The following NAALADL2 variants were observed in gnomAD, a reference collection of about 807,000 sequenced individuals.
The protein encoded by NAALADL2 is inactive N-acetylated-alpha-linked acidic dipeptidase-like protein 2.
Under a neutral mutation model 87.2 loss-of-function variants are expected in NAALADL2, and 76 were observed. The observed-to-expected ratio is 0.87, with a 90% confidence interval of 0.72 to 1.05. NAALADL2 has a LOEUF of 1.05. Ranked by LOEUF, NAALADL2 falls within the 50% of genes least tolerant of loss-of-function variation. NAALADL2 has a pLI of 0.00. For missense variants in NAALADL2, 1,089 were observed against 945.8 expected (o/e 1.15, Z -1.99); for synonymous variants, 354 against 331.0 (o/e 1.07, Z -0.75).
intron 2 of NAALADL2, among the ~76,000 whole-genome samples, chr3:175,213,611 A>G (rs968673033): frequency 1.3e-5 from 2 of 152,194 alleles, no homozygotes; most frequent in Non-Finnish European, 2.9e-5. Flanking sequence ...ATAGTGTAGT[A>G]GGTACAGAAG....
At chr3:174,970,166 T>TA in intron 1 of NAALADL2, among the ~76,000 whole-genome samples, 1 of 152,262 alleles carries the variant, frequency 6.6e-6, no homozygotes, top group South Asian at 2.1e-4. Context: ...ACCAGGTAGA[T>TA]AAAAAATGAG....
At chr3:174,947,091 CAGTT>C (rs2108495532) in intron 1 of NAALADL2, among the ~76,000 whole-genome samples, 1 of 152,160 alleles carries the variant, frequency 6.6e-6, no homozygotes, top group African/African-American at 2.4e-5. Context: ...GCGTTGTGCT[CAGTT>C]AGAGCATCAT....
intron 2 of NAALADL2, among the ~76,000 whole-genome samples, chr3:175,192,886 C>T (rs1285330788): frequency 6.6e-6 from 1 of 151,136 alleles, no homozygotes; most frequent in Non-Finnish European, 1.5e-5. Flanking sequence ...TACGTGTAGC[C>T]ACAATATGAT....
chr3:174,918,385 A>G (rs1203453256), intron 1 of NAALADL2, among the ~76,000 whole-genome samples: 3 of 152,108 alleles, frequency 2.0e-5, no homozygotes, highest in Non-Finnish European at 4.4e-5. Context: ...TAAAAAATGG[A>G]AAAAAACCGA....
intron 2 of NAALADL2, among the ~76,000 whole-genome samples, chr3:174,716,061 A>C (rs922913936): frequency 6.6e-6 from 1 of 152,126 alleles, no homozygotes; most frequent in African/African-American, 2.4e-5. Flanking sequence ...CTAGCATTTG[A>C]CATTTTCTAC....
At chr3:174,628,717 A>G (rs2108687192) in intron 2 of NAALADL2, among the ~76,000 whole-genome samples, 1 of 152,262 alleles carries the variant, frequency 6.6e-6, no homozygotes, top group Non-Finnish European at 1.5e-5. Flanking sequence ...ATTATTTCTG[A>G]GAGTTAACCA....
intron 4 of NAALADL2, among the ~76,000 whole-genome samples, chr3:175,272,259 C>T (rs1180447532): frequency 1.3e-5 from 2 of 152,008 alleles, no homozygotes; most frequent in African/African-American, 2.4e-5. Flanking sequence ...AAATCTGCTC[C>T]AGAAATGCAT....
intron 11 of NAALADL2, among the ~76,000 whole-genome samples, chr3:175,715,773 A>T (rs1225765867): frequency 6.6e-6 from 1 of 152,020 alleles, no homozygotes; most frequent in Non-Finnish European, 1.5e-5. Flanking sequence ...TACTCAGAAG[A>T]CTGAGGCACA....
At chr3:175,174,652 G>A (rs1424576469) in intron 2 of NAALADL2, among the ~76,000 whole-genome samples, 1 of 151,936 alleles carries the variant, frequency 6.6e-6, no homozygotes, top group Non-Finnish European at 1.5e-5. Context: ...TATTAACCAT[G>A]AAGGAAAATT....
chr3:175,772,151 G>T (rs924972251), intron 13 of NAALADL2, among the ~76,000 whole-genome samples: 1 of 152,184 alleles, frequency 6.6e-6, no homozygotes, highest in Admixed American at 6.5e-5. Flanking sequence ...TTAAAATCTG[G>T]ATGTATCTTT....
chr3:175,160,381 TTTTTTTTG>T (rs1342514196), intron 2 of NAALADL2, among the ~76,000 whole-genome samples: 1 of 137,054 alleles, frequency 7.3e-6, no homozygotes, highest in African/African-American at 2.7e-5. Flanking sequence ...TTTTTTTTTT[TTTTTTTTG>T]AGTTAGAGGT....
At chr3:174,814,796 C>A (rs1309875149) in intron 3 of NAALADL2, among the ~76,000 whole-genome samples, 2 of 152,186 alleles carry the variant, frequency 1.3e-5, no homozygotes, top group African/African-American at 4.8e-5. Context: ...AGCAGGCCAA[C>A]TCTTTTGATT....
chr3:175,296,199 G>A (rs1756355723), intron 4 of NAALADL2, among the ~76,000 whole-genome samples: 1 of 118,382 alleles, frequency 8.4e-6, no homozygotes, highest in African/African-American at 2.8e-5. Context: ...AGGATTTTCA[G>A]TTGCCATAAT....
At chr3:175,333,692 G>A (rs1389861937) in intron 5 of NAALADL2, among the ~76,000 whole-genome samples, 3 of 150,322 alleles carry the variant, frequency 2.0e-5, no homozygotes, top group African/African-American at 7.4e-5. Context: ...GGGCGCCGGG[G>A]GGATGAAGAG....
chr3:174,476,005 A>T (rs187104967), intron 1 of NAALADL2, among the ~76,000 whole-genome samples: 7 of 152,164 alleles, frequency 4.6e-5, no homozygotes, highest in Admixed American at 3.3e-4. Flanking sequence ...ATTAGATCTT[A>T]AAAATTAACA....
At chr3:175,157,897 C>G (rs1732561066) in intron 2 of NAALADL2, among the ~76,000 whole-genome samples, 1 of 151,982 alleles carries the variant, frequency 6.6e-6, no homozygotes. Flanking sequence ...CATGAATGGA[C>G]TATTCATTTA....
chr3:175,368,034 A>G (rs1291786744), intron 5 of NAALADL2, among the ~76,000 whole-genome samples: 1 of 152,152 alleles, frequency 6.6e-6, no homozygotes, highest in African/African-American at 2.4e-5. Flanking sequence ...CATCCCATCA[A>G]TACCTAATTT....
intron 1 of NAALADL2, among the ~76,000 whole-genome samples, chr3:175,009,161 G>A (rs528442174): frequency 1.3e-5 from 2 of 152,230 alleles, no homozygotes; most frequent in East Asian, 1.9e-4. Flanking sequence ...TTCAGATTGG[G>A]ATAGGGGATA....
chr3:175,233,890 T>G, intron 2 of NAALADL2, 41 bp from the exon 3 acceptor site: 1 of 1,166,484 alleles, frequency 8.6e-7, no homozygotes, highest in South Asian at 1.4e-5. Flanking sequence ...GAATAAAGTA[T>G]TCTCCTTTTT....
Sources: gnomAD v4.1 joint callset for allele counts (sites outside exome capture counted in the v4.1 genomes callset) on GRCh38, gnomAD v4.1.1 for gene constraint, MANE v1.5 for transcripts, NCBI Gene and HGNC (gene_info 2026-07-23, HGNC 2026-07-21) for gene names.